Variants in TENM2 observed in about 807,000 individuals in gnomAD.
TENM2 encodes the protein teneurin transmembrane protein 2.
A neutral mutation model predicts 245.2 loss-of-function variants in TENM2; 52 were observed. The ratio of observed to expected loss-of-function variants is 0.21; its 90% CI spans 0.17 to 0.27. TENM2 has a LOEUF of 0.27. Ranked by LOEUF, TENM2 falls within the 10% of genes least tolerant of loss-of-function variation. The pLI is 1.00. For missense variants in TENM2, 3,046 were observed against 3,666.8 expected (o/e 0.83, Z 4.37); for synonymous variants, 1,363 against 1,438.9 (o/e 0.95, Z 1.19).
chr5:167,945,007 G>A (rs1424052891), intron 3 of TENM2, among the ~76,000 whole-genome samples: 1 of 152,184 alleles, frequency 6.6e-6, no homozygotes, highest in Admixed American at 6.5e-5. Flanking sequence ...AATTAAGTGG[G>A]AGGGCATCAT....
At chr5:167,658,650 C>T (rs555040605) in intron 2 of TENM2, among the ~76,000 whole-genome samples, 1 of 152,222 alleles carries the variant, frequency 6.6e-6, no homozygotes, top group South Asian at 2.1e-4. Flanking sequence ...AAGTTGAGAA[C>T]CACTGGTCTA....
At chr5:167,195,040 T>C in the TENM2 span, among the ~76,000 whole-genome samples, 1 of 152,046 alleles carries the variant, frequency 6.6e-6, no homozygotes, top group Non-Finnish European at 1.5e-5. Context: ...GTTTATGATA[T>C]ATTTATACTA....
At chr5:167,597,245 A>G (rs1353498458) in intron 2 of TENM2, among the ~76,000 whole-genome samples, 3 of 149,326 alleles carry the variant, frequency 2.0e-5, no homozygotes, top group African/African-American at 7.4e-5. Context: ...GCTCACTGCA[A>G]TCTCCACCTC....
intron 21 of TENM2, 78 bp downstream of exon 23, chr5:168,215,350 A>AGTT: frequency 8.5e-7 from 1 of 1,174,106 alleles, no homozygotes. Context: ...ATCAGAACTT[A>AGTT]ACTAAGTCCA....
At chr5:167,054,479 G>A in the TENM2 span, among the ~76,000 whole-genome samples, 1 of 152,158 alleles carries the variant, frequency 6.6e-6, no homozygotes, top group Admixed American at 6.5e-5. Flanking sequence ...ATTGAATAAA[G>A]CTACTGTAAA....
chr5:167,040,389 G>A, the TENM2 span, among the ~76,000 whole-genome samples: 1 of 152,078 alleles, frequency 6.6e-6, no homozygotes, highest in Admixed American at 6.5e-5. Flanking sequence ...AAGTCCCCAG[G>A]TGAGCTGTGT....
intron 3 of TENM2, among the ~76,000 whole-genome samples, chr5:167,917,543 G>A (rs150892991): frequency 5.9e-5 from 9 of 152,238 alleles, no homozygotes; most frequent in South Asian, 2.1e-4. Context: ...TGGAGGAGGA[G>A]CAAAGCACTG....
chr5:168,011,116 G>T (rs545873027), intron 5 of TENM2, among the ~76,000 whole-genome samples: 1 of 152,330 alleles, frequency 6.6e-6, no homozygotes, highest in Admixed American at 6.5e-5. Context: ...GTAATAACCA[G>T]TCGCCTCAGC....
intron 3 of TENM2, among the ~76,000 whole-genome samples, chr5:167,876,549 C>A (rs1405108456): frequency 6.6e-6 from 1 of 152,146 alleles, no homozygotes; most frequent in South Asian, 2.1e-4. Flanking sequence ...ACCCTGGACA[C>A]CCTCACAGGC....
the TENM2 span, among the ~76,000 whole-genome samples, chr5:167,029,897 C>T: frequency 6.6e-6 from 1 of 152,142 alleles, no homozygotes; most frequent in Admixed American, 6.5e-5. Flanking sequence ...CCTGGCTGAG[C>T]CTTGCTTGCA....
intron 2 of TENM2, among the ~76,000 whole-genome samples, chr5:167,617,240 A>G (rs1400025238): frequency 6.6e-6 from 1 of 152,134 alleles, no homozygotes; most frequent in African/African-American, 2.4e-5. Context: ...ACACATCTGA[A>G]CACACACATG....
At chr5:168,079,967 C>G (rs1432268499) in intron 7 of TENM2, among the ~76,000 whole-genome samples, 1 of 152,180 alleles carries the variant, frequency 6.6e-6, no homozygotes, top group East Asian at 1.9e-4. Context: ...GGAGGATTCC[C>G]TCTTTTTCTA....
intron 5 of TENM2, among the ~76,000 whole-genome samples, chr5:167,998,485 G>T: frequency 6.6e-6 from 1 of 152,138 alleles, no homozygotes; most frequent in East Asian, 1.9e-4. Context: ...ATTCTAAGGC[G>T]AGAGTCAACA....
chr5:167,439,245 T>C (rs1032682072), intron 2 of TENM2, among the ~76,000 whole-genome samples: 5 of 152,208 alleles, frequency 3.3e-5, no homozygotes, highest in Non-Finnish European at 7.3e-5. Flanking sequence ...CATATATGAT[T>C]AGAAGCTTTA....
intron 5 of TENM2, among the ~76,000 whole-genome samples, chr5:168,016,213 G>T (rs149963136): frequency 1.6e-3 from 245 of 152,262 alleles, no homozygotes; most frequent in Non-Finnish European, 3.1e-3. Flanking sequence ...GGACACTGAG[G>T]CTTACGGATG....
chr5:167,784,319 C>T (rs1764417528), intron 2 of TENM2, among the ~76,000 whole-genome samples: 1 of 152,138 alleles, frequency 6.6e-6, no homozygotes, highest in Admixed American at 6.5e-5. Context: ...ATAAACAGAA[C>T]AATGTGTGTG....
chr5:167,374,609 G>A (rs1760632491), intron 1 of TENM2, among the ~76,000 whole-genome samples: 1 of 151,986 alleles, frequency 6.6e-6, no homozygotes, highest in Admixed American at 6.6e-5. Context: ...AAACTAGGAC[G>A]GGCACCCAGG....
At chr5:167,893,285 A>G (rs192470684) in intron 3 of TENM2, among the ~76,000 whole-genome samples, 1 of 152,192 alleles carries the variant, frequency 6.6e-6, no homozygotes, top group Non-Finnish European at 1.5e-5. Context: ...GCATATTTCC[A>G]TGGTCTTACT....
chr5:167,786,695 A>T (rs1357283323), intron 2 of TENM2, among the ~76,000 whole-genome samples: 1 of 152,210 alleles, frequency 6.6e-6, no homozygotes, highest in Non-Finnish European at 1.5e-5. Context: ...GGGGATGGGA[A>T]TCAGGCAGCC....
Sources: gnomAD v4.1 joint callset for allele counts (sites outside exome capture counted in the v4.1 genomes callset) on GRCh38, gnomAD v4.1.1 for gene constraint, MANE v1.5 for transcripts, NCBI Gene and HGNC (gene_info 2026-07-23, HGNC 2026-07-21) for gene names.